SMIM36: variants seen among roughly 807,000 people sequenced by gnomAD.
SMIM36 encodes the protein small integral membrane protein 36.
At chr17:55,493,655 C>A (rs1281818197) in intron 1 of SMIM36, among the ~76,000 whole-genome samples, 1 of 151,634 alleles carries the variant, frequency 6.6e-6, no homozygotes, top group Non-Finnish European at 1.5e-5. Flanking sequence ...ACAAAAAATA[C>A]AAAAATTAGC....
intron 1 of SMIM36, among the ~76,000 whole-genome samples, chr17:55,502,043 C>G (rs1361408241): frequency 6.6e-6 from 1 of 151,894 alleles, no homozygotes; most frequent in East Asian, 1.9e-4. Context: ...CACCACGAGA[C>G]TATATCCCAC....
At chr17:55,465,544 G>C (rs530320913) in intron 4 of SMIM36, among the ~76,000 whole-genome samples, 2 of 152,204 alleles carry the variant, frequency 1.3e-5, no homozygotes, top group African/African-American at 4.8e-5. Context: ...GCTTATGTTG[G>C]GTAGATGCAT....
intron 3 of SMIM36, among the ~76,000 whole-genome samples, chr17:55,475,731 T>C (rs1215846168): frequency 2.0e-5 from 3 of 152,230 alleles, no homozygotes; most frequent in African/African-American, 7.2e-5. Flanking sequence ...TCCTGGGTCC[T>C]CCCAATTCTT....
intron 1 of SMIM36, among the ~76,000 whole-genome samples, chr17:55,495,073 C>A (rs1033589157): frequency 6.6e-6 from 1 of 152,150 alleles, no homozygotes; most frequent in Non-Finnish European, 1.5e-5. Context: ...TTGATTGTAT[C>A]CTTCAGGCCA....
intron 4 of SMIM36, among the ~76,000 whole-genome samples, chr17:55,452,093 C>T (rs1184403943): frequency 1.4e-5 from 1 of 73,926 alleles, no homozygotes; most frequent in East Asian, 4.1e-4. Flanking sequence ...GCATAAGACT[C>T]AATCTCTACA....
intron 3 of SMIM36, 51 bp downstream of exon 3, chr17:55,478,711 G>C (rs1445789108): frequency 6.6e-6 from 1 of 152,120 alleles, no homozygotes; most frequent in Non-Finnish European, 1.5e-5. Context: ...CAGCAGCCCT[G>C]TTCTGGTTGA....
chr17:55,526,800 C>G, the SMIM36 span, among the ~76,000 whole-genome samples: 3 of 152,040 alleles, frequency 2.0e-5, no homozygotes, highest in African/African-American at 7.2e-5. Context: ...TCATTTCTTT[C>G]CCCTCCCCAC....
intron 1 of SMIM36, among the ~76,000 whole-genome samples, chr17:55,508,055 A>G (rs1229130313): frequency 6.6e-6 from 1 of 152,148 alleles, no homozygotes; most frequent in Non-Finnish European, 1.5e-5. Flanking sequence ...CCTAAATGCA[A>G]CCATTTGGTT....
intron 4 of SMIM36, among the ~76,000 whole-genome samples, chr17:55,456,880 T>A (rs1212604345): frequency 6.6e-6 from 1 of 152,154 alleles, no homozygotes; most frequent in Non-Finnish European, 1.5e-5. Flanking sequence ...AAAGGCAAAT[T>A]GAGAGGCTTT....
At chr17:55,515,365 A>C (rs529864518), upstream of SMIM36, among the ~76,000 whole-genome samples, 1 of 152,224 alleles carries the variant, frequency 6.6e-6, no homozygotes, top group South Asian at 2.1e-4. Context: ...CTCTGGAGAA[A>C]TACTGCCATA....
chr17:55,515,583 G>A (rs1178395885), upstream of SMIM36, among the ~76,000 whole-genome samples: 1 of 152,096 alleles, frequency 6.6e-6, no homozygotes, highest in East Asian at 1.9e-4. Flanking sequence ...CTGTGTGAGG[G>A]CACAGAGACA....
intron 1 of SMIM36, among the ~76,000 whole-genome samples, chr17:55,504,610 A>G (rs1792150527): frequency 1.2e-5 from 1 of 83,730 alleles, no homozygotes; most frequent in South Asian, 4.6e-4. Flanking sequence ...CTAAATGCCC[A>G]CAAGAGAAAG....
intron 1 of SMIM36, among the ~76,000 whole-genome samples, chr17:55,489,115 C>T (rs778902194): frequency 1.9e-4 from 29 of 152,318 alleles, no homozygotes; most frequent in South Asian, 4.1e-4. Context: ...CAATGACTCA[C>T]GCCTGTAATC....
At chr17:55,498,860 A>G (rs1909857357) in intron 1 of SMIM36, among the ~76,000 whole-genome samples, 1 of 151,984 alleles carries the variant, frequency 6.6e-6, no homozygotes, top group South Asian at 2.1e-4. Context: ...ATTAGCCTGC[A>G]TGGTGGCATG....
chr17:55,483,421 C>G (rs1909551799), intron 1 of SMIM36, among the ~76,000 whole-genome samples: 1 of 152,124 alleles, frequency 6.6e-6, no homozygotes. Flanking sequence ...CTAGATGTTG[C>G]TAGGAAGGTA....
intron 1 of SMIM36, among the ~76,000 whole-genome samples, chr17:55,483,406 C>A (rs1000451466): frequency 3.3e-5 from 5 of 152,124 alleles, no homozygotes; most frequent in Non-Finnish European, 7.3e-5. Context: ...TGGTCAAACA[C>A]CAGTCTAGAT....
At chr17:55,457,356 C>G (rs933739133) in intron 4 of SMIM36, among the ~76,000 whole-genome samples, 2 of 145,080 alleles carry the variant, frequency 1.4e-5, no homozygotes, top group Admixed American at 7.2e-5. Flanking sequence ...GAGGCTGAGG[C>G]AGGATAATTG....
the SMIM36 span, among the ~76,000 whole-genome samples, chr17:55,526,048 T>C: frequency 1.3e-5 from 2 of 152,374 alleles, no homozygotes; most frequent in South Asian, 4.1e-4. Flanking sequence ...AAGGCCATTC[T>C]AATTTATAGC....
the SMIM36 span, among the ~76,000 whole-genome samples, chr17:55,523,747 A>G: frequency 6.6e-6 from 1 of 152,140 alleles, no homozygotes; most frequent in Non-Finnish European, 1.5e-5. Context: ...ATCCAGCTTC[A>G]GGGAAAAGTA....
Sources: gnomAD v4.1 joint callset for allele counts (sites outside exome capture counted in the v4.1 genomes callset) on GRCh38, gnomAD v4.1.1 for gene constraint, MANE v1.5 for transcripts, NCBI Gene and HGNC (gene_info 2026-07-23, HGNC 2026-07-21) for gene names.